Variants in RELN observed in about 807,000 individuals in gnomAD.
RELN encodes reelin.
In RELN, 108 loss-of-function variants were observed where a neutral mutation model predicts 427.6. That is an observed-to-expected ratio of 0.25 (90% CI 0.22 to 0.30). RELN has a LOEUF of 0.30. Ranked by LOEUF, RELN falls within the 10% of genes least tolerant of loss-of-function variation. The pLI, the probability that RELN is intolerant of heterozygous loss-of-function variation, is 1.00. For synonymous variants in RELN, 1,524 were observed against 1,513.4 expected (o/e 1.01, Z -0.16); for missense variants, 3,715 against 4,302.8 (o/e 0.86, Z 3.82).
intron 45 of RELN, among the ~76,000 whole-genome samples, chr7:103,537,171 T>C (rs1447100506): frequency 6.6e-6 from 1 of 152,224 alleles, no homozygotes; most frequent in Non-Finnish European, 1.5e-5. Context: ...AATTTTACTT[T>C]TCTGTCTCCT....
At chr7:103,666,172 C>T (rs529320335) in intron 11 of RELN, among the ~76,000 whole-genome samples, 70 of 151,922 alleles carry the variant, frequency 4.6e-4, no homozygotes, top group African/African-American at 1.6e-3. Context: ...TCAAGCGAAC[C>T]GCCCACCTCA....
intron 64 of RELN, among the ~76,000 whole-genome samples, chr7:103,477,240 C>A (rs1400497194): frequency 2.0e-5 from 3 of 152,178 alleles, no homozygotes; most frequent in Non-Finnish European, 4.4e-5. Context: ...ACTCTGTGCT[C>A]TTTTGAACTG....
intron 49 of RELN, among the ~76,000 whole-genome samples, chr7:103,518,561 C>G (rs539393427): frequency 1.6e-4 from 23 of 147,762 alleles, no homozygotes; most frequent in Admixed American, 1.2e-3. Context: ...GTCTTGAACT[C>G]CTGGCTTCAA....
chr7:103,757,212 C>T (rs1189642121), intron 4 of RELN, among the ~76,000 whole-genome samples: 2 of 152,124 alleles, frequency 1.3e-5, no homozygotes, highest in Non-Finnish European at 2.9e-5. Context: ...GGCCTTTACT[C>T]TTTCCTGTAT....
intron 10 of RELN, among the ~76,000 whole-genome samples, chr7:103,688,610 G>A (rs945242356): frequency 5.9e-5 from 9 of 151,734 alleles, no homozygotes; most frequent in Non-Finnish European, 8.8e-5. Context: ...TAAATTTTTC[G>A]GACAAATTAC....
intron 10 of RELN, among the ~76,000 whole-genome samples, chr7:103,687,517 T>C (rs1377497615): frequency 6.6e-6 from 1 of 152,130 alleles, no homozygotes; most frequent in African/African-American, 2.4e-5. Flanking sequence ...TGCCTAAAGA[T>C]TGCTGAGTCT....
chr7:103,946,684 C>T (rs1000788878), intron 1 of RELN, among the ~76,000 whole-genome samples: 2 of 152,168 alleles, frequency 1.3e-5, no homozygotes, highest in African/African-American at 2.4e-5. Flanking sequence ...AATAGAGTTG[C>T]TATATACTTT....
intron 28 of RELN, among the ~76,000 whole-genome samples, chr7:103,581,924 A>G (rs974091432): frequency 6.6e-6 from 1 of 152,140 alleles, no homozygotes; most frequent in African/African-American, 2.4e-5. Flanking sequence ...AGAACTGCCC[A>G]GCCAACCCCA....
chr7:103,493,869 A>T (rs373989207), intron 57 of RELN, among the ~76,000 whole-genome samples: 5 of 152,172 alleles, frequency 3.3e-5, no homozygotes, highest in Non-Finnish European at 5.9e-5. Context: ...ACTTTCAAGT[A>T]TGTAGTTTTA....
intron 30 of RELN, 30 bp downstream of exon 30, chr7:103,574,062 T>C (rs1406331497): frequency 6.5e-7 from 1 of 1,533,500 alleles, no homozygotes; most frequent in Non-Finnish European, 9.0e-7. Context: ...AATATGTTTG[T>C]GAAAAAGTAT....
At chr7:103,706,286 C>T (rs891472930) in intron 8 of RELN, among the ~76,000 whole-genome samples, 1 of 151,632 alleles carries the variant, frequency 6.6e-6, no homozygotes, top group Non-Finnish European at 1.5e-5. Flanking sequence ...TAAAGAGATA[C>T]ACTTCATAAG....
At chr7:103,797,077 T>C (rs1584247156) in intron 3 of RELN, among the ~76,000 whole-genome samples, 1 of 152,176 alleles carries the variant, frequency 6.6e-6, no homozygotes, top group South Asian at 2.1e-4. Flanking sequence ...TTGGGAGTCA[T>C]TTTATTTTAT....
chr7:103,534,673 A>G (rs748491355), intron 46 of RELN, among the ~76,000 whole-genome samples: 6 of 151,790 alleles, frequency 4.0e-5, no homozygotes, highest in Non-Finnish European at 7.4e-5. Flanking sequence ...TTTTTTTTGT[A>G]GAGATGGGGT....
At chr7:103,632,959 A>T (rs1207471605) in intron 19 of RELN, among the ~76,000 whole-genome samples, 2 of 152,166 alleles carry the variant, frequency 1.3e-5, no homozygotes, top group Non-Finnish European at 2.9e-5. Context: ...TTAAGAAGAA[A>T]AGCTAGGATA....
intron 1 of RELN, among the ~76,000 whole-genome samples, chr7:103,982,631 A>C (rs1341181755): frequency 3.3e-5 from 5 of 152,162 alleles, no homozygotes; most frequent in Non-Finnish European, 7.4e-5. Context: ...ACAAAGATAA[A>C]ATTTAGAGAG....
chr7:103,739,918 C>A (rs952907074), intron 6 of RELN, among the ~76,000 whole-genome samples: 1 of 152,154 alleles, frequency 6.6e-6, no homozygotes, highest in African/African-American at 2.4e-5. Context: ...AGTCTCCATG[C>A]CCTCAGGCTG....
rs577250876 is a variant in RELN, at chr7:103,545,732, C to G, written c.6303-388G>C. Among the ~76,000 whole-genome samples, 10 of 152,228 alleles carry G rather than the reference C, an allele frequency of 6.6e-5. No homozygotes were observed. In the South Asian group the frequency reaches 1.9e-3, roughly 28 times the overall value. On this transcript the variant is annotated intron_variant, in intron 41 of 64. Transcript: ENST00000428762. ...TCTTGGCTCACTGCAACCTCCATCT[C>G]CCGGGTTCAAGCGATTCTCCTGCCT... is the stretch of plus-strand genomic sequence containing the variant.
intron 3 of RELN, among the ~76,000 whole-genome samples, chr7:103,795,187 GAGAAA>G (rs981292645): frequency 2.6e-5 from 4 of 152,182 alleles, no homozygotes; most frequent in African/African-American, 9.6e-5. Flanking sequence ...TTGGGCAAAA[GAGAAA>G]AGAAAGATTT....
intron 40 of RELN, among the ~76,000 whole-genome samples, chr7:103,552,335 C>T (rs362723): frequency 0.095 from 14,485 of 152,038 alleles, 793 homozygotes; most frequent in African/African-American, 0.16. Flanking sequence ...TATTGATATA[C>T]ACAGTAACAC....
Sources: gnomAD v4.1 joint callset for allele counts (sites outside exome capture counted in the v4.1 genomes callset) on GRCh38, gnomAD v4.1.1 for gene constraint, MANE v1.5 for transcripts, NCBI Gene and HGNC (gene_info 2026-07-23, HGNC 2026-07-21) for gene names.